Variants in EDIL3 observed in about 807,000 individuals in gnomAD.
EDIL3 encodes EGF like and discoidin domains 3, also known as EGF-like repeat and discoidin I-like domain-containing protein 3.
EDIL3 carries 37 observed loss-of-function variants against 67.4 expected under a neutral mutation model. The ratio of observed to expected loss-of-function variants is 0.55; its 90% CI spans 0.42 to 0.72. The LOEUF (loss-of-function observed/expected upper bound fraction) is 0.72, where lower values mean the gene tolerates loss of function less well. Ranked by LOEUF, EDIL3 falls within the 30% of genes least tolerant of loss-of-function variation. EDIL3 has a pLI of 0.00. For missense variants in EDIL3, 527 were observed against 586.3 expected (o/e 0.90, Z 1.04); for synonymous variants, 195 against 196.3 (o/e 0.99, Z 0.05).
At chr5:84,119,300 T>TA (rs900759338) in intron 5 of EDIL3, among the ~76,000 whole-genome samples, 29 of 134,610 alleles carry the variant, frequency 2.2e-4, no homozygotes, top group African/African-American at 6.4e-4. Flanking sequence ...TATTCAATAA[T>TA]AAAAAACGTG....
chr5:83,946,207 A>G (rs146129765), intron 10 of EDIL3, among the ~76,000 whole-genome samples: 91 of 152,112 alleles, frequency 6.0e-4, no homozygotes, highest in African/African-American at 1.7e-3. Context: ...AAATCTCTAT[A>G]TAGGAGTGAA....
At chr5:84,358,592 CTTTTTTTT>C (rs756013675) in intron 1 of EDIL3, among the ~76,000 whole-genome samples, 1 of 94,558 alleles carries the variant, frequency 1.1e-5, no homozygotes, top group African/African-American at 4.0e-5. Context: ...CATTTTTATC[CTTTTTTTT>C]TTTTTTTTTT....
At chr5:84,334,764 C>G (rs1746952073) in intron 1 of EDIL3, among the ~76,000 whole-genome samples, 1 of 151,958 alleles carries the variant, frequency 6.6e-6, no homozygotes, top group South Asian at 2.1e-4. Flanking sequence ...TTCTATCTTC[C>G]TAAAGTCATA....
intron 3 of EDIL3, among the ~76,000 whole-genome samples, chr5:84,220,386 T>G (rs1744318611): frequency 6.6e-6 from 1 of 152,196 alleles, no homozygotes; most frequent in African/African-American, 2.4e-5. Flanking sequence ...TTTTAAAAGT[T>G]ACAACGCATG....
At chr5:84,313,600 G>A (rs138363345) in intron 1 of EDIL3, among the ~76,000 whole-genome samples, 4 of 152,028 alleles carry the variant, frequency 2.6e-5, no homozygotes, top group Non-Finnish European at 5.9e-5. Flanking sequence ...AGACTATTGC[G>A]AGCATTAAGT....
chr5:84,074,757 T>G lies in EDIL3; in HGVS notation c.652-8151A>C, dbSNP rs528541560. 5.3e-5 allele frequency among the ~76,000 whole-genome samples: 8 copies of G among 152,216 alleles called. No homozygotes were observed. The East Asian group carries it at 1.4e-3, about 26-fold the overall frequency. Reference sequence around the variant, plus strand: ...CACTTTTACACTGTTGGTGGGACGGTAAACTAGTTCAACCATTGTGGAAGT... The same window carrying G: ...CACTTTTACACTGTTGGTGGGACGGGAAACTAGTTCAACCATTGTGGAAGT... On this transcript the variant is annotated intron_variant, in intron 6 of 10. Transcript: ENST00000296591.
chr5:83,980,504 A>C (rs1170963265), intron 9 of EDIL3, among the ~76,000 whole-genome samples: 1 of 151,642 alleles, frequency 6.6e-6, no homozygotes, highest in Non-Finnish European at 1.5e-5. Context: ...CATCCTGGCC[A>C]ACATGGTGAA....
intron 1 of EDIL3, among the ~76,000 whole-genome samples, chr5:84,369,154 C>T (rs1747795433): frequency 6.6e-6 from 1 of 151,448 alleles, no homozygotes; most frequent in Admixed American, 6.6e-5. Context: ...GAAAGGGATA[C>T]TTGTGAAGCC....
chr5:84,176,195 TATAATATATATA>T (rs1748902089), intron 4 of EDIL3, among the ~76,000 whole-genome samples: 2 of 28,612 alleles, frequency 7.0e-5, no homozygotes, highest in South Asian at 2.7e-3. Flanking sequence ...TATATATATA[TATAATATATATA>T]TATATATATA....
intron 3 of EDIL3, among the ~76,000 whole-genome samples, chr5:84,214,634 TTTTA>T (rs1428620542): frequency 2.6e-5 from 4 of 152,184 alleles, no homozygotes; most frequent in African/African-American, 9.7e-5. Context: ...GAGATTCTCC[TTTTA>T]TTTATTTATT....
At chr5:84,018,905 G>T (rs1365300158) in intron 9 of EDIL3, among the ~76,000 whole-genome samples, 1 of 152,178 alleles carries the variant, frequency 6.6e-6, no homozygotes, top group African/African-American at 2.4e-5. Context: ...ACAGGTGCTG[G>T]AGAGGATGTG....
intron 6 of EDIL3, among the ~76,000 whole-genome samples, chr5:84,094,069 A>G (rs1187082840): frequency 6.6e-6 from 1 of 152,218 alleles, no homozygotes; most frequent in East Asian, 1.9e-4. Context: ...AAAGGCAAGC[A>G]ATACAATATG....
intron 6 of EDIL3, among the ~76,000 whole-genome samples, chr5:84,073,110 A>C (rs988756436): frequency 2.6e-5 from 4 of 152,202 alleles, no homozygotes; most frequent in Non-Finnish European, 5.9e-5. Context: ...TGATTATCTC[A>C]ATAGATGCAG....
At chr5:84,049,068 A>G (rs1580298766) in intron 9 of EDIL3, among the ~76,000 whole-genome samples, 2 of 152,222 alleles carry the variant, frequency 1.3e-5, no homozygotes, top group East Asian at 1.9e-4. Flanking sequence ...ATACAGTTTC[A>G]GTAGAGAAGA....
intron 9 of EDIL3, among the ~76,000 whole-genome samples, chr5:83,965,166 T>C (rs758706639): frequency 6.6e-6 from 1 of 152,126 alleles, no homozygotes; most frequent in Admixed American, 6.6e-5. Flanking sequence ...TGATCATTTA[T>C]ATTTTCTCTC....
At chr5:84,328,707 C>T (rs1746814741) in intron 1 of EDIL3, among the ~76,000 whole-genome samples, 1 of 152,038 alleles carries the variant, frequency 6.6e-6, no homozygotes, top group Non-Finnish European at 1.5e-5. Context: ...AAGTAAAATG[C>T]CTAGTGTCAT....
chr5:84,369,608 T>C (rs1022112140), intron 1 of EDIL3, among the ~76,000 whole-genome samples: 1 of 152,086 alleles, frequency 6.6e-6, no homozygotes, highest in Non-Finnish European at 1.5e-5. Context: ...GGAATTATTG[T>C]TTAATGAGTA....
intron 2 of EDIL3, among the ~76,000 whole-genome samples, chr5:84,239,211 T>C (rs1235264858): frequency 6.6e-6 from 1 of 152,222 alleles, no homozygotes; most frequent in East Asian, 1.9e-4. Context: ...TTACATATTA[T>C]GGTATATACA....
At chr5:83,954,223 A>T (rs922102598) in intron 10 of EDIL3, among the ~76,000 whole-genome samples, 9 of 150,828 alleles carry the variant, frequency 6.0e-5, no homozygotes, top group African/African-American at 2.2e-4. Flanking sequence ...CAATCAAAAT[A>T]TTAGTTGTTT....
Sources: allele counts gnomAD v4.1 joint callset (sites outside exome capture counted in the v4.1 genomes callset), GRCh38; gene constraint gnomAD v4.1.1; transcripts MANE v1.5; gene names NCBI Gene and HGNC (gene_info 2026-07-23, HGNC 2026-07-21).